KCTD16: variants seen among roughly 807,000 people sequenced by gnomAD.
KCTD16 encodes potassium channel tetramerization domain containing 16, also known as BTB/POZ domain-containing protein KCTD16.
Under a neutral mutation model 33.2 loss-of-function variants are expected in KCTD16, and 13 were observed. The ratio of observed to expected loss-of-function variants is 0.39; its 90% CI spans 0.25 to 0.62. KCTD16 has a LOEUF of 0.62. Among genes scored for constraint, KCTD16 ranks in the 20% least tolerant of loss-of-function variants. The pLI, the probability that KCTD16 is intolerant of heterozygous loss-of-function variation, is 0.50. For synonymous variants in KCTD16, 197 were observed against 195.3 expected (o/e 1.01, Z -0.07); for missense variants, 441 against 525.1 (o/e 0.84, Z 1.57).
rs770293284 is a variant in KCTD16 at position 144,338,761 on chromosome 5, A to G, written c.832+131215A>G. Among the ~76,000 whole-genome samples the G allele has an allele frequency of 2.6e-4, 39 of 152,242 alleles. 1 individual carries two copies. The highest frequency in any genetic ancestry group is 6.8e-3 in the Middle Eastern group (2 of 294). The stretch of plus-strand genomic sequence containing the variant: ...TTGGAGTGAAGTGGATGGCTGAGGG[A>G]TAGGAGTGATGGAAAATGAGCTGAA... On this transcript the variant is annotated intron_variant, in intron 3 of 3. Coordinates refer to ENST00000512467, the MANE Select transcript of KCTD16 (RefSeq NM_020768.4).
At chr5:144,289,088 G>T (rs1755826764) in intron 3 of KCTD16, among the ~76,000 whole-genome samples, 1 of 152,130 alleles carries the variant, frequency 6.6e-6, no homozygotes, top group Non-Finnish European at 1.5e-5. Flanking sequence ...TCAGGAATGG[G>T]ATCCTTAAAA....
At chr5:144,226,586 T>A (rs910711455) in intron 3 of KCTD16, among the ~76,000 whole-genome samples, 3 of 152,060 alleles carry the variant, frequency 2.0e-5, no homozygotes, top group African/African-American at 7.2e-5. Context: ...ATGTCTTTTT[T>A]TTTTTTGACA....
rs564190627 is a variant in KCTD16, at chr5:144,296,621, A to T, written c.832+89075A>T. Among the ~76,000 whole-genome samples, 5 of 152,298 alleles carry T rather than the reference A, an allele frequency of 3.3e-5. No homozygotes were observed. In the South Asian group the frequency reaches 1.0e-3, roughly 32 times the overall value. On this transcript the variant is annotated intron_variant, in intron 3 of 3. Coordinates refer to ENST00000512467, the MANE Select transcript of KCTD16 (RefSeq NM_020768.4). ...AACTTCACTGTATTCTAAGTGCCTG[A>T]GTTGTAAACTACTGTAACTAGCTAG...
chr5:144,479,053 T>C lies in KCTD16; in HGVS notation c.*4939T>C, dbSNP rs1754651748. The C allele has an allele frequency of 6.6e-6, 1 of 151,974 alleles. No individual in the cohort carries two copies. Among genetic ancestry groups the C allele is most frequent in the Non-Finnish European group, 1.5e-5 (1 of 67,928 alleles). 9.4% of individuals were successfully genotyped at this position (151,974 alleles called of 1,614,324 possible). Reference sequence around the variant, plus strand: ...CCAACAAGAAATAAAAATAATGATCTTTCCCAAGGAGAGTTGTTTATTTCT... The same window carrying C: ...CCAACAAGAAATAAAAATAATGATCCTTCCCAAGGAGAGTTGTTTATTTCT... On this transcript the variant is annotated 3_prime_UTR_variant, in exon 4 of 4. Transcript: ENST00000512467.
intron 3 of KCTD16, among the ~76,000 whole-genome samples, chr5:144,298,582 C>G (rs1469520450): frequency 1.3e-5 from 2 of 152,062 alleles, no homozygotes. Flanking sequence ...GGTAACTGGT[C>G]TCAAGATGCC....
chr5:144,329,016 C>T lies in KCTD16; in HGVS notation c.832+121470C>T, dbSNP rs553177823. ...TATGATCACCCATCTATATCCCAGG[C>T]TTGAGACTCAGAGCAGTTTTTTAAA... On this transcript the variant is annotated intron_variant, in intron 3 of 3. Transcript: ENST00000512467. 8.5e-5 allele frequency among the ~76,000 whole-genome samples: 13 copies of T among 152,096 alleles called. No homozygotes were observed. In the East Asian group the frequency reaches 2.5e-3, roughly 29 times the overall value.
At chr5:144,250,095 G>A (rs189516418) in intron 3 of KCTD16, among the ~76,000 whole-genome samples, 3 of 152,266 alleles carry the variant, frequency 2.0e-5, no homozygotes, top group Non-Finnish European at 2.9e-5. Flanking sequence ...CAGTGTAACA[G>A]GAAACATGCT....
rs1266920689 is a variant in KCTD16 at position 144,477,250 on chromosome 5, T to C, written c.*3136T>C. 2.0e-5 allele frequency: 3 copies of C among 152,224 alleles called. No homozygotes were observed. Among genetic ancestry groups the C allele is most frequent in the South Asian group, 4.1e-4 (2 of 4,822 alleles). 9.4% of individuals were successfully genotyped at this position (152,224 alleles called of 1,614,324 possible). The stretch of plus-strand genomic sequence containing the variant: ...CTAGGAAAAAATTGCACTGAAATGC[T>C]GACAAAAAATAATGAAATGAAGTGG... On this transcript the variant is annotated 3_prime_UTR_variant, in exon 4 of 4. Transcript: ENST00000512467.
intron 3 of KCTD16, among the ~76,000 whole-genome samples, chr5:144,409,575 C>T (rs989513549): frequency 4.0e-5 from 6 of 151,692 alleles, no homozygotes; most frequent in African/African-American, 7.3e-5. Context: ...CAGGCAATTG[C>T]GGGCCAGACG....
chr5:144,313,543 T>C (rs557954615), intron 3 of KCTD16, among the ~76,000 whole-genome samples: 46 of 152,234 alleles, frequency 3.0e-4, no homozygotes, highest in Non-Finnish European at 5.1e-4. Context: ...GCTACAATTT[T>C]TTTAAAACTG....
chr5:144,285,615 G>T (rs964392832), intron 3 of KCTD16, among the ~76,000 whole-genome samples: 9 of 152,146 alleles, frequency 5.9e-5, no homozygotes, highest in African/African-American at 1.9e-4. Context: ...TTTCACTGGG[G>T]TCTATGTAAA....
chr5:144,206,669 G>A lies in KCTD16; in HGVS notation c.-46G>A. The A allele has an allele frequency of 6.6e-7, 1 of 1,507,614 alleles. No individual in the cohort carries two copies. The highest frequency in any genetic ancestry group is 1.8e-5 in the Admixed American group (1 of 56,760). The allele number at this position is 1,507,614 out of a possible 1,614,324, so 93.4% of individuals were successfully genotyped here. A position where few individuals can be genotyped will look rare whatever the true frequency, so the allele number is the denominator to read the frequency against. On this transcript the variant is annotated 5_prime_UTR_variant, in exon 3 of 4. Coordinates refer to ENST00000512467, the MANE Select transcript of KCTD16 (RefSeq NM_020768.4). ...CAAAGGATAAGGCTGTGACTCCATT[G>A]GATTGCACCTTTAAATCAAAATAGC...
In KCTD16 at chr5:144,253,467, C is replaced by A. The variant is rs1248227244; in HGVS notation, c.832+45921C>A. 2.0e-5 allele frequency among the ~76,000 whole-genome samples: 3 copies of A among 152,120 alleles called. No individual in the cohort carries two copies. The East Asian group carries it at 5.8e-4, about 29-fold the overall frequency. On this transcript the variant is annotated intron_variant, in intron 3 of 3. Transcript: ENST00000512467. ...AATTGTTACTAGCACAGAGCAGATG[C>A]TTTATTCTGTTTTCTCACCAAGCTG... is the stretch of plus-strand genomic sequence containing the variant.
chr5:144,235,590 A>G (rs866907296), intron 3 of KCTD16, among the ~76,000 whole-genome samples: 1 of 152,138 alleles, frequency 6.6e-6, no homozygotes, highest in African/African-American at 2.4e-5. Flanking sequence ...AAATGAAATA[A>G]TGAATGTGAA....
At chr5:144,460,972 A>G (rs942934033) in intron 3 of KCTD16, among the ~76,000 whole-genome samples, 3 of 152,214 alleles carry the variant, frequency 2.0e-5, no homozygotes, top group African/African-American at 7.2e-5. Flanking sequence ...AATCTTTGTC[A>G]GAATGAAAGG....
At chr5:144,191,738 C>T (rs1185979528) in intron 2 of KCTD16, among the ~76,000 whole-genome samples, 3 of 152,066 alleles carry the variant, frequency 2.0e-5, no homozygotes, top group South Asian at 2.1e-4. Context: ...TCTCAACAGC[C>T]GAGACAGTTC....
chr5:144,185,712 C>A (rs929061668), intron 2 of KCTD16, among the ~76,000 whole-genome samples: 3 of 151,710 alleles, frequency 2.0e-5, no homozygotes, highest in Non-Finnish European at 4.4e-5. Context: ...AGATAGGGAG[C>A]TTTTTTGCAT....
intron 3 of KCTD16, among the ~76,000 whole-genome samples, chr5:144,299,070 A>AT: frequency 1.4e-5 from 1 of 72,992 alleles, no homozygotes; most frequent in East Asian, 3.0e-4. Flanking sequence ...ATATATATAT[A>AT]TATTTTTGTA....
chr5:144,418,071 C>T (rs1753115698), intron 3 of KCTD16, among the ~76,000 whole-genome samples: 1 of 152,188 alleles, frequency 6.6e-6, no homozygotes, highest in Non-Finnish European at 1.5e-5. Context: ...TATTACAGCT[C>T]TTAAAGGTGG....
Sources: allele counts gnomAD v4.1 joint callset (sites outside exome capture counted in the v4.1 genomes callset), GRCh38; gene constraint gnomAD v4.1.1; transcripts MANE v1.5; gene names NCBI Gene and HGNC (gene_info 2026-07-23, HGNC 2026-07-21).